CDC42EP3: variants seen among roughly 807,000 people sequenced by gnomAD.
CDC42EP3 encodes the protein CDC42 effector protein (Rho GTPase binding) 3.
In CDC42EP3, 4 loss-of-function variants were observed where a neutral mutation model predicts 15.5. That is an observed-to-expected ratio of 0.26 (90% CI 0.13 to 0.59). CDC42EP3 has a LOEUF of 0.59. Ranked by LOEUF, CDC42EP3 falls within the 20% of genes least tolerant of loss-of-function variation. The pLI is 0.89. For synonymous variants in CDC42EP3, 145 were observed against 130.3 expected, an observed-to-expected ratio of 1.11 and a Z score of -0.77; for missense variants, 309 against 311.2, an observed-to-expected ratio of 0.99 and a Z score of 0.05.
chr2:37,656,984 CCCCCCA>C (rs1457109016), intron 1 of CDC42EP3, among the ~76,000 whole-genome samples: 4 of 86,326 alleles, frequency 4.6e-5, no homozygotes, highest in African/African-American at 2.3e-4. Flanking sequence ...ACAAAGCCCC[CCCCCCA>C]CCCCCCGCCC....
At chr2:37,664,569 G>A (rs957099361) in intron 1 of CDC42EP3, among the ~76,000 whole-genome samples, 4 of 152,148 alleles carry the variant, frequency 2.6e-5, no homozygotes, top group African/African-American at 7.2e-5. Context: ...CAGCAAGTAA[G>A]CGACAAAGAT....
chr2:37,645,988 T>A lies in CDC42EP3; in HGVS notation c.600A>T (p.Pro200=), dbSNP rs142401149. The A allele has an allele frequency of 1.1e-5, 17 of 1,614,032 alleles. 1 individual carries two copies. In the Admixed American group the frequency reaches 2.8e-4, roughly 27 times the overall value. ...TGGGATGGTCAAACATGTCCTCGGC[T>A]GGCCAGTCGGGGTACTGTTCGGACA... ...SSLSEQYPDW[P]AEDMFDHPTP... The change falls in exon 2 of 2, where the codon CCA becomes CCT. Residue 200 remains proline (P), a synonymous_variant. Coordinates refer to ENST00000295324, the MANE Select transcript of CDC42EP3 (RefSeq NM_006449.5).
chr2:37,651,472 T>TAAAA (rs973373659), intron 1 of CDC42EP3, among the ~76,000 whole-genome samples: 1 of 152,322 alleles, frequency 6.6e-6, no homozygotes, highest in East Asian at 1.9e-4. Context: ...AAAATGTGTC[T>TAAAA]AAAAGCAGCA....
chr2:37,657,667 A>G (rs889109252), intron 1 of CDC42EP3, among the ~76,000 whole-genome samples: 2 of 152,192 alleles, frequency 1.3e-5, no homozygotes, highest in African/African-American at 4.8e-5. Flanking sequence ...TTTTATAGAT[A>G]AAGTTTTATT....
At chr2:37,664,232 G>C (rs1271515631) in intron 1 of CDC42EP3, among the ~76,000 whole-genome samples, 1 of 152,194 alleles carries the variant, frequency 6.6e-6, no homozygotes, top group Non-Finnish European at 1.5e-5. Context: ...GACTTTCTGA[G>C]TCTTCTGGCC....
At chr2:37,662,232 A>G (rs911538401) in intron 1 of CDC42EP3, among the ~76,000 whole-genome samples, 1 of 152,120 alleles carries the variant, frequency 6.6e-6, no homozygotes, top group African/African-American at 2.4e-5. Context: ...TCCCTTTGGG[A>G]GCTTCAGTGT....
intron 1 of CDC42EP3, among the ~76,000 whole-genome samples, chr2:37,658,888 C>A (rs1000057369): frequency 1.3e-5 from 2 of 152,220 alleles, no homozygotes; most frequent in African/African-American, 4.8e-5. Context: ...AGTGAGGTAC[C>A]TAGAATCCTC....
chr2:37,646,207 T>C lies in CDC42EP3; in HGVS notation c.381A>G (p.Thr127=), dbSNP rs780816249. The C allele has an allele frequency of 8.7e-6, 14 of 1,614,076 alleles. No homozygotes were observed. The South Asian group carries it at 1.5e-4, about 18-fold the overall frequency. The change falls in exon 2 of 2, where the codon ACA becomes ACG. Residue 127 remains threonine (T), a synonymous_variant. Transcript: ENST00000295324. ...ALMLPLLSPV[T]FNSKQESFGP... is the part of the protein sequence containing the mutation. ...CGAAGGACTCCTGTTTGGAATTAAA[T>C]GTCACTGGTGACAATAAGGGCAACA...
intron 1 of CDC42EP3, among the ~76,000 whole-genome samples, chr2:37,670,872 G>GAAAACAA (rs762355356): frequency 1.3e-4 from 20 of 152,050 alleles, no homozygotes; most frequent in Non-Finnish European, 2.1e-4. Context: ...AGAAAGGGAA[G>GAAAACAA]AAAACAAAAA....
intron 1 of CDC42EP3, among the ~76,000 whole-genome samples, chr2:37,666,813 CTTTTTT>C (rs11311656): frequency 6.8e-6 from 1 of 148,096 alleles, no homozygotes; most frequent in Non-Finnish European, 1.5e-5. Flanking sequence ...AAGGAGAAAG[CTTTTTT>C]TTTTTTTTAA....
Position 37,645,878 on chromosome 2 carries a change from T to C in CDC42EP3, c.710A>G (p.Asp237Gly). 1.3e-6 allele frequency: 2 copies of C among 1,587,760 alleles called. No homozygotes were observed. Among genetic ancestry groups the C allele is most frequent in the Non-Finnish European group, 1.7e-6 (2 of 1,170,022 alleles). Residue 237 changes from aspartate (D) to glycine (G), a missense_variant, in exon 2 of 2, where the codon GAT becomes GGT. Physicochemically the swap from Asp to Gly is moderately conservative, Grantham distance 94. Transcript: ENST00000295324. ...CTCATCCAAAAGTGAGGGCCCAAGA[T>C]CAAGCTGCAGGGAGAGGAGGGAACC... ...LTGSLLSLQLDLGPSLLDEVL... is the reference protein window; with the variant it reads ...LTGSLLSLQLGLGPSLLDEVL...
chr2:37,668,345 A>G (rs921693405), intron 1 of CDC42EP3, among the ~76,000 whole-genome samples: 2 of 152,104 alleles, frequency 1.3e-5, no homozygotes, highest in Non-Finnish European at 2.9e-5. Flanking sequence ...GAAAACCTCA[A>G]CCTTTTATTG....
chr2:37,653,891 C>T (rs759649727), intron 1 of CDC42EP3, among the ~76,000 whole-genome samples: 25 of 152,198 alleles, frequency 1.6e-4, no homozygotes, highest in Non-Finnish European at 3.1e-4. Context: ...TTCTTTTCTC[C>T]TCCTTGCAGG....
intron 1 of CDC42EP3, among the ~76,000 whole-genome samples, chr2:37,654,300 G>A (rs949325344): frequency 6.6e-6 from 1 of 152,160 alleles, no homozygotes; most frequent in African/African-American, 2.4e-5. Flanking sequence ...GGAGGCAAAT[G>A]GGAGGAAGTG....
Position 37,646,657 on chromosome 2 carries a change from T to G in CDC42EP3, c.-70A>C. 1 of 1,393,056 alleles carries G rather than the reference T, an allele frequency of 7.2e-7. No individual in the cohort carries two copies. The highest frequency in any genetic ancestry group is 1.4e-5 in the South Asian group (1 of 69,416). 86.3% of individuals were successfully genotyped at this position (1,393,056 alleles called of 1,614,324 possible). On this transcript the variant is annotated 5_prime_UTR_variant, in exon 2 of 2. Coordinates refer to ENST00000295324, the MANE Select transcript of CDC42EP3 (RefSeq NM_006449.5). ...ACTTTCTTCACAGATGGTATATGTT[T>G]CTGAATCCTTTTTGATAGGAACTGT...
chr2:37,649,253 C>A (rs1466616210), intron 1 of CDC42EP3, among the ~76,000 whole-genome samples: 1 of 151,216 alleles, frequency 6.6e-6, no homozygotes, highest in Non-Finnish European at 1.5e-5. Flanking sequence ...GAGTTTGAAA[C>A]CAGCCTGGGC....
Position 37,646,103 on chromosome 2 carries a change from T to C in CDC42EP3, c.485A>G (p.Asn162Ser). The C allele has an allele frequency of 1.2e-6, 2 of 1,614,198 alleles. No homozygotes were observed. The highest frequency in any genetic ancestry group is 1.7e-6 in the Non-Finnish European group (2 of 1,180,032). Residue 162 changes from asparagine (N) to serine (S), a missense_variant, in exon 2 of 2, where the codon AAT becomes AGT. Coordinates refer to ENST00000295324, the MANE Select transcript of CDC42EP3 (RefSeq NM_006449.5). ...KAQEKSSLLE[N>S]GTVHQGDTSW... ...GGTGTCTCCCTGGTGGACTGTCCCATTCTCCAACAGACTGCTTTTCTCCTG... is the reference window on the plus strand; with the variant it reads ...GGTGTCTCCCTGGTGGACTGTCCCACTCTCCAACAGACTGCTTTTCTCCTG...
intron 1 of CDC42EP3, among the ~76,000 whole-genome samples, chr2:37,669,349 T>C (rs564356074): frequency 7.9e-5 from 12 of 152,160 alleles, no homozygotes; most frequent in East Asian, 3.9e-4. Flanking sequence ...TGTGAGCATG[T>C]TGGACATAAA....
intron 1 of CDC42EP3, among the ~76,000 whole-genome samples, chr2:37,662,522 G>A (rs1666089852): frequency 6.6e-6 from 1 of 152,080 alleles, no homozygotes; most frequent in East Asian, 1.9e-4. Context: ...AATGTTCTGG[G>A]TTCAATAGTC....
Sources: gnomAD v4.1 joint callset for allele counts (sites outside exome capture counted in the v4.1 genomes callset) on GRCh38, gnomAD v4.1.1 for gene constraint, MANE v1.5 for transcripts, NCBI Gene and HGNC (gene_info 2026-07-23, HGNC 2026-07-21) for gene names.